The following CCSER1 variants were observed in gnomAD, a reference collection of about 807,000 sequenced individuals.
The protein encoded by CCSER1 is serine-rich coiled-coil domain-containing protein 1.
CCSER1 carries 41 observed loss-of-function variants against 82.0 expected under a neutral mutation model. The observed-to-expected ratio is 0.50, with a 90% CI of 0.39 to 0.65. The LOEUF is 0.65. Among genes scored for constraint, CCSER1 ranks in the 30% least tolerant of loss-of-function variants. The pLI is 0.00. For missense variants in CCSER1, 1,119 were observed against 1,064.2 expected (o/e 1.05, Z -0.72); for synonymous variants, 414 against 383.9 (o/e 1.08, Z -0.92).
At chr4:90,674,371 A>G (rs1403615552) in intron 6 of CCSER1, among the ~76,000 whole-genome samples, 1 of 151,916 alleles carries the variant, frequency 6.6e-6, no homozygotes, top group African/African-American at 2.4e-5. Flanking sequence ...CTTATTGGAG[A>G]CAGAGATGCT....
chr4:91,161,300 C>G (rs748718200), intron 10 of CCSER1, among the ~76,000 whole-genome samples: 1 of 152,162 alleles, frequency 6.6e-6, no homozygotes, highest in Non-Finnish European at 1.5e-5. Context: ...GTTTTGATTA[C>G]TGTAGCCTTG....
chr4:90,468,715 GT>G (rs1763955195), intron 5 of CCSER1: 1 of 154,948 alleles, frequency 6.5e-6, no homozygotes, highest in Admixed American at 6.5e-5. Context: ...TTAATATAAA[GT>G]TTTTAAAGTT....
At chr4:91,262,992 G>T (rs770544081) in intron 10 of CCSER1, among the ~76,000 whole-genome samples, 1 of 151,752 alleles carries the variant, frequency 6.6e-6, no homozygotes, top group Admixed American at 6.6e-5. Context: ...AACCATTCTG[G>T]GCCTTAATAT....
chr4:91,333,200 A>C (rs1020517247), intron 10 of CCSER1, among the ~76,000 whole-genome samples: 1 of 152,038 alleles, frequency 6.6e-6, no homozygotes, highest in Non-Finnish European at 1.5e-5. Flanking sequence ...ATAGTCCTGA[A>C]AAAAAAGAAT....
intron 3 of CCSER1, among the ~76,000 whole-genome samples, chr4:90,377,514 C>A (rs1317184377): frequency 1.3e-5 from 2 of 152,080 alleles, no homozygotes; most frequent in Admixed American, 1.3e-4. Flanking sequence ...ATTATGCCAG[C>A]AACATGTAAA....
rs529987218 is a variant in CCSER1, at chr4:91,602,489, AAC to A, written c.*3434_*3435del. Among the ~76,000 whole-genome samples the A allele has an allele frequency of 4.1e-3, 618 of 152,182 alleles. 4 individuals carry two copies. Among genetic ancestry groups the A allele is most frequent in the Non-Finnish European group, 6.1e-3 (413 of 67,918 alleles). ...ACTTAGTTGTTGATTAAACAGTAGG[AAC>A]AGTTTGCTGAATGGTTAGGATTATC... On this transcript the variant is annotated 3_prime_UTR_variant, in exon 11 of 11. Transcript: ENST00000509176.
chr4:90,311,069 C>T (rs1735204291), intron 2 of CCSER1, among the ~76,000 whole-genome samples: 1 of 151,856 alleles, frequency 6.6e-6, no homozygotes. Flanking sequence ...CAAAAATGTA[C>T]TAAGAAGATT....
intron 10 of CCSER1, among the ~76,000 whole-genome samples, chr4:91,283,321 T>G (rs1743055904): frequency 6.6e-6 from 1 of 152,082 alleles, no homozygotes; most frequent in African/African-American, 2.4e-5. Context: ...TTTCTATGCT[T>G]TTGTTGATGC....
At chr4:91,167,528 G>GT (rs2148993580) in intron 10 of CCSER1, among the ~76,000 whole-genome samples, 1 of 152,202 alleles carries the variant, frequency 6.6e-6, no homozygotes, top group East Asian at 1.9e-4. Flanking sequence ...TTATTTTTGT[G>GT]TTATTAAACA....
At position 91,185,359 on chromosome 4, in the gene CCSER1, C is replaced by T. The variant is rs1315051652; in HGVS notation, c.2217+99365C>T. Among the ~76,000 whole-genome samples, 4 of 152,202 alleles carry T rather than the reference C, an allele frequency of 2.6e-5. No homozygotes were observed. In the East Asian group the frequency reaches 5.8e-4, roughly 22 times the overall value. ...TCCCCATTATAATCTGAATCAATGA[C>T]TCCTGTATGTATTTGTACACTTTTT... On this transcript the variant is annotated intron_variant, in intron 10 of 10. Transcript: ENST00000509176.
intron 10 of CCSER1, among the ~76,000 whole-genome samples, chr4:91,088,631 T>G (rs2148821565): frequency 6.6e-6 from 1 of 152,362 alleles, no homozygotes; most frequent in South Asian, 2.1e-4. Flanking sequence ...TTGGTATTTT[T>G]ACATTTTTAT....
At chr4:90,659,099 TGAGAAC>T (rs1730279583) in intron 6 of CCSER1, among the ~76,000 whole-genome samples, 2 of 149,064 alleles carry the variant, frequency 1.3e-5, no homozygotes. Context: ...TTTTTTTTTT[TGAGAAC>T]TGCCCTTAAT....
intron 1 of CCSER1, among the ~76,000 whole-genome samples, chr4:90,232,369 G>C (rs1165358255): frequency 3.9e-5 from 6 of 151,910 alleles, no homozygotes; most frequent in Non-Finnish European, 8.8e-5. Context: ...ACAAGCAATG[G>C]GGAAAGGATT....
intron 10 of CCSER1, among the ~76,000 whole-genome samples, chr4:91,499,762 T>C (rs761273033): frequency 6.6e-6 from 1 of 152,014 alleles, no homozygotes; most frequent in South Asian, 2.1e-4. Flanking sequence ...TTTCACTTGG[T>C]AATGGGCATT....
chr4:90,881,860 T>TAAAAATA (rs1721381327), intron 8 of CCSER1, among the ~76,000 whole-genome samples: 2 of 152,144 alleles, frequency 1.3e-5, no homozygotes, highest in Non-Finnish European at 2.9e-5. Flanking sequence ...TTCCCCTGTC[T>TAAAAATA]ATTCCACTCT....
At chr4:91,204,312 T>A (rs1435155134) in intron 10 of CCSER1, among the ~76,000 whole-genome samples, 1 of 151,776 alleles carries the variant, frequency 6.6e-6, no homozygotes, top group Non-Finnish European at 1.5e-5. Flanking sequence ...TCAGAGACCT[T>A]TTGGCTGACT....
At chr4:91,175,601 G>T (rs1329004019) in intron 10 of CCSER1, among the ~76,000 whole-genome samples, 13 of 152,122 alleles carry the variant, frequency 8.5e-5, no homozygotes, top group South Asian at 8.3e-4. Context: ...TCATGTGTCT[G>T]TTGGCTGCAT....
intron 6 of CCSER1, among the ~76,000 whole-genome samples, chr4:90,691,666 T>C (rs1471507078): frequency 6.7e-6 from 1 of 149,660 alleles, no homozygotes; most frequent in Admixed American, 6.7e-5. Flanking sequence ...CATGCATATG[T>C]ACGTGTGTAT....
In CCSER1 at chr4:90,480,985, C is replaced by G. The variant is rs1490771437; in HGVS notation, c.1724+12631C>G. Among the ~76,000 whole-genome samples the G allele has an allele frequency of 2.0e-5, 3 of 152,248 alleles. No individual in the cohort carries two copies. In the East Asian group the frequency reaches 5.8e-4, roughly 29 times the overall value. On this transcript the variant is annotated intron_variant, in intron 5 of 10. Coordinates refer to ENST00000509176, the MANE Select transcript of CCSER1 (RefSeq NM_001145065.2). ...AGTTTGGGCAGTATGGCCATTTTCACGATATTGATTCTTCCTATCCATGAG... is the reference window on the plus strand; with the variant it reads ...AGTTTGGGCAGTATGGCCATTTTCAGGATATTGATTCTTCCTATCCATGAG...
Sources: allele counts gnomAD v4.1 joint callset (sites outside exome capture counted in the v4.1 genomes callset), GRCh38; gene constraint gnomAD v4.1.1; transcripts MANE v1.5; gene names NCBI Gene and HGNC (gene_info 2026-07-23, HGNC 2026-07-21).